Variants in DRC8 observed in about 807,000 individuals in gnomAD.
The protein encoded by DRC8 is dynein regulatory complex protein 8.
chr1:245,010,972 C>T, the DRC8 span, among the ~76,000 whole-genome samples: 7 of 152,076 alleles, frequency 4.6e-5, no homozygotes, highest in Middle Eastern at 3.2e-3. Context: ...TGAGCCACCG[C>T]GCCCAGCCTT....
the DRC8 span, among the ~76,000 whole-genome samples, chr1:245,093,388 CTG>C: frequency 6.6e-6 from 1 of 151,928 alleles, no homozygotes; most frequent in African/African-American, 2.4e-5. Flanking sequence ...TTTGAAGAAA[CTG>C]TTATTTTTCT....
chr1:245,088,283 AT>A, the DRC8 span, among the ~76,000 whole-genome samples: 1 of 149,288 alleles, frequency 6.7e-6, no homozygotes, highest in African/African-American at 2.5e-5. The surrounding 1 kb of genome is among the most constrained non-coding windows in gnomAD (Gnocchi z 4.6). Context: ...GAAGTGAACA[AT>A]TTTCCAAACT....
the DRC8 span, chr1:245,087,879 A>G: frequency 1.5e-5 from 9 of 608,912 alleles, no homozygotes; most frequent in African/African-American, 2.0e-5. Context: ...ATTTGGGATA[A>G]TAATAACTTA....
the DRC8 span, among the ~76,000 whole-genome samples, chr1:245,028,230 T>G: frequency 6.6e-6 from 1 of 152,202 alleles, no homozygotes; most frequent in African/African-American, 2.4e-5. Flanking sequence ...TGAATACTTT[T>G]TACTTGAATG....
chr1:245,081,863 T>G, the DRC8 span, among the ~76,000 whole-genome samples: 1 of 152,210 alleles, frequency 6.6e-6, no homozygotes, highest in Admixed American at 6.5e-5. Context: ...GTTTCTTGAT[T>G]AATGTCTGTC....
chr1:244,988,742 T>C, the DRC8 span, among the ~76,000 whole-genome samples: 1 of 152,230 alleles, frequency 6.6e-6, no homozygotes, highest in African/African-American at 2.4e-5. Flanking sequence ...GTAACTTACT[T>C]TCCTGAGATA....
the DRC8 span, among the ~76,000 whole-genome samples, chr1:244,973,483 G>A: frequency 2.2e-4 from 34 of 152,288 alleles, no homozygotes; most frequent in African/African-American, 7.9e-4. Flanking sequence ...ATCAAAGACA[G>A]CTTATGAGAT....
the DRC8 span, among the ~76,000 whole-genome samples, chr1:245,056,397 G>A: frequency 6.6e-6 from 1 of 152,080 alleles, no homozygotes; most frequent in Non-Finnish European, 1.5e-5. Flanking sequence ...CTGCGTTCAA[G>A]CGATTCTCCT....
the DRC8 span, among the ~76,000 whole-genome samples, chr1:245,043,773 T>A: frequency 2.0e-5 from 3 of 152,232 alleles, no homozygotes; most frequent in Non-Finnish European, 4.4e-5. Flanking sequence ...ATTTTGACTC[T>A]CAGCGTCAGT....
the DRC8 span, among the ~76,000 whole-genome samples, chr1:244,976,940 G>C: frequency 5.9e-5 from 9 of 152,358 alleles, no homozygotes; most frequent in Non-Finnish European, 1.3e-4. Flanking sequence ...TATACGTGTA[G>C]TGAAATATTA....
the DRC8 span, among the ~76,000 whole-genome samples, chr1:245,118,431 G>A: frequency 6.6e-6 from 1 of 152,180 alleles, no homozygotes; most frequent in Non-Finnish European, 1.5e-5. Context: ...AACACCATGT[G>A]TCACCTTGTG....
chr1:245,070,421 A>G, the DRC8 span, among the ~76,000 whole-genome samples: 6 of 152,388 alleles, frequency 3.9e-5, no homozygotes, highest in East Asian at 1.2e-3. Context: ...TGAATAAAGT[A>G]TAGGCCCTTT....
chr1:244,982,215 T>A, the DRC8 span, among the ~76,000 whole-genome samples: 1 of 152,198 alleles, frequency 6.6e-6, no homozygotes, highest in East Asian at 1.9e-4. Context: ...AGTAGCTGAT[T>A]ACTATCATGT....
the DRC8 span, among the ~76,000 whole-genome samples, chr1:245,045,166 T>G: frequency 6.6e-6 from 1 of 152,182 alleles, no homozygotes; most frequent in African/African-American, 2.4e-5. Flanking sequence ...CACACCACCA[T>G]GCCTGGCTAA....
chr1:244,984,138 G>A, the DRC8 span, among the ~76,000 whole-genome samples: 8 of 151,388 alleles, frequency 5.3e-5, no homozygotes, highest in Admixed American at 4.6e-4. Context: ...TGGGGGGGGG[G>A]AATAATTTTG....
chr1:244,973,029 A>G, the DRC8 span, among the ~76,000 whole-genome samples: 88,602 of 151,860 alleles, frequency 0.58, 26,552 homozygotes, highest in East Asian at 0.75. Context: ...TTTGATTGTC[A>G]GCTACTGTAT....
chr1:245,120,148 G>C, the DRC8 span, among the ~76,000 whole-genome samples: 1 of 152,048 alleles, frequency 6.6e-6, no homozygotes, highest in Non-Finnish European at 1.5e-5. Flanking sequence ...AGGTATGAAG[G>C]CTCATAGAGT....
At chr1:245,025,173 G>T in the DRC8 span, among the ~76,000 whole-genome samples, 1 of 152,092 alleles carries the variant, frequency 6.6e-6, no homozygotes, top group East Asian at 1.9e-4. Flanking sequence ...AAGCTAATTT[G>T]GTGGGGACAA....
chr1:245,092,022 T>C, the DRC8 span, among the ~76,000 whole-genome samples: 2 of 152,322 alleles, frequency 1.3e-5, no homozygotes, highest in African/African-American at 4.8e-5. Context: ...ATTCTCACAC[T>C]GCTGGGGAAG....
Sources: gnomAD v4.1 joint callset for allele counts (sites outside exome capture counted in the v4.1 genomes callset) on GRCh38, gnomAD v4.1.1 for gene constraint, Gnocchi (gnomAD v3.1) non-coding constraint, MANE v1.5 for transcripts, NCBI Gene and HGNC (gene_info 2026-07-23, HGNC 2026-07-21) for gene names.